ZSWIM7: variants seen among roughly 807,000 people sequenced by gnomAD.
ZSWIM7 encodes zinc finger SWIM-type containing 7, also known as zinc finger SWIM domain-containing protein 7.
In ZSWIM7, 22 loss-of-function variants were observed where a neutral mutation model predicts 21.1. That is an observed-to-expected ratio of 1.04 (90% confidence interval 0.74 to 1.49). ZSWIM7 has a LOEUF of 1.49. ZSWIM7 is among the 40% of genes most tolerant of loss of function. The pLI is 0.00. For synonymous variants in ZSWIM7, 67 were observed against 66.5 expected (o/e 1.01, Z -0.04); for missense variants, 193 against 168.0 (o/e 1.15, Z -0.82).
Position 15,995,783 on chromosome 17 carries a change from T to C in ZSWIM7, c.77-2005A>G, listed in dbSNP as rs1970546249. On this transcript the variant is annotated intron_variant, in intron 1 of 4. Coordinates refer to ENST00000399277, the MANE Select transcript of ZSWIM7 (RefSeq NM_001042697.2). ...AAAACAGATGGAGGGAATTCATCAA[T>C]CAAATAATTCAAAATTCCCCACAGC... Among the ~76,000 whole-genome samples the C allele has an allele frequency of 2.0e-5, 3 of 151,430 alleles. No individual in the cohort carries two copies. The South Asian group carries it at 6.2e-4, about 32-fold the overall frequency.
At chr17:15,985,172 T>C (rs970941735) in intron 3 of ZSWIM7, among the ~76,000 whole-genome samples, 1 of 151,946 alleles carries the variant, frequency 6.6e-6, no homozygotes, top group Non-Finnish European at 1.5e-5. Context: ...GGCGTGGTGG[T>C]ACACACCTGT....
intron 1 of ZSWIM7, 100 bp downstream of exon 1, chr17:15,999,419 G>T: frequency 7.0e-7 from 1 of 1,428,956 alleles, no homozygotes; most frequent in Non-Finnish European, 9.6e-7. Flanking sequence ...AAAAAGGCAG[G>T]GCCAGGCCCG....
At chr17:15,997,472 G>T (rs1970570109) in intron 1 of ZSWIM7, among the ~76,000 whole-genome samples, 1 of 152,172 alleles carries the variant, frequency 6.6e-6, no homozygotes, top group African/African-American at 2.4e-5. Flanking sequence ...AACCAAGATA[G>T]TTGTAACTCC....
chr17:15,978,595 CAAAA>C (rs1176679405), intron 4 of ZSWIM7, among the ~76,000 whole-genome samples: 1 of 152,016 alleles, frequency 6.6e-6, no homozygotes, highest in Non-Finnish European at 1.5e-5. Flanking sequence ...CAGACTGTCT[CAAAA>C]AATAAATAAA....
intron 3 of ZSWIM7, among the ~76,000 whole-genome samples, chr17:15,984,184 A>G (rs944328424): frequency 3.3e-5 from 5 of 152,224 alleles, no homozygotes; most frequent in Non-Finnish European, 7.3e-5. Context: ...GCCTAAAGCA[A>G]TAAACACCAA....
chr17:15,995,482 G>A lies in ZSWIM7; in HGVS notation c.77-1704C>T, dbSNP rs546702676. Reference sequence around the variant, plus strand: ...TCTCCATGTTGATCAGGCTGGTCTCGAACTCCCGACTTCAGATGATCTGCC... The same window carrying A: ...TCTCCATGTTGATCAGGCTGGTCTCAAACTCCCGACTTCAGATGATCTGCC... On this transcript the variant is annotated intron_variant, in intron 1 of 4. Transcript: ENST00000399277. 2.9e-4 allele frequency among the ~76,000 whole-genome samples: 43 copies of A among 149,412 alleles called. 1 individual carries two copies. The East Asian group carries it at 6.3e-3, about 22-fold the overall frequency.
Position 15,977,577 on chromosome 17 carries a change from A to G in ZSWIM7, c.*470T>C, listed in dbSNP as rs1054774968. 12 of 152,358 alleles carry G rather than the reference A, an allele frequency of 7.9e-5. No homozygotes were observed. The highest frequency in any genetic ancestry group is 1.6e-4 in the Non-Finnish European group (11 of 68,340). The allele number at this position is 152,358 out of a possible 1,614,324, so 9.4% of individuals were successfully genotyped here. ...AATTTAGCCGGGCATGGTGGCGGGTACCTGTAGTCCCAGCTACTCGGGAGG... is the reference window on the plus strand; with the variant it reads ...AATTTAGCCGGGCATGGTGGCGGGTGCCTGTAGTCCCAGCTACTCGGGAGG... On this transcript the variant is annotated 3_prime_UTR_variant, in exon 5 of 5. Coordinates refer to ENST00000399277, the MANE Select transcript of ZSWIM7 (RefSeq NM_001042697.2).
At position 15,976,650 on chromosome 17, in the gene ZSWIM7, C is replaced by T. The variant is rs1970281282; in HGVS notation, c.*1397G>A. On this transcript the variant is annotated 3_prime_UTR_variant, in exon 5 of 5. Transcript: ENST00000399277. ...ATCTGCCAACCACAGAACATTGCAA[C>T]ACCTAGGCCCTGGGCTTTCCCCCAG... The T allele has an allele frequency of 6.6e-6, 1 of 152,190 alleles. No homozygotes were observed. Among genetic ancestry groups the T allele is most frequent in the African/African-American group, 2.4e-5 (1 of 41,436 alleles). 9.4% of individuals were successfully genotyped at this position (152,190 alleles called of 1,614,324 possible).
chr17:15,981,763 T>G (rs1233488581), intron 3 of ZSWIM7, among the ~76,000 whole-genome samples: 6 of 152,146 alleles, frequency 3.9e-5, no homozygotes, highest in Admixed American at 2.6e-4. Flanking sequence ...AAAAAAATTT[T>G]TTTAAAGTCA....
intron 3 of ZSWIM7, among the ~76,000 whole-genome samples, chr17:15,984,555 C>CATCTA (rs1055809359): frequency 2.0e-5 from 3 of 152,186 alleles, no homozygotes; most frequent in African/African-American, 7.2e-5. Flanking sequence ...AGAGGTGACC[C>CATCTA]ATCTACATGG....
intron 4 of ZSWIM7, among the ~76,000 whole-genome samples, chr17:15,978,414 A>G (rs2109632): frequency 0.6 from 90,821 of 151,728 alleles, 27,744 homozygotes; most frequent in African/African-American, 0.7. Context: ...TCTGGCTGAT[A>G]TGGCAAAACC....
intron 1 of ZSWIM7, among the ~76,000 whole-genome samples, chr17:15,998,706 T>A (rs1970601910): frequency 6.6e-6 from 1 of 151,776 alleles, no homozygotes; most frequent in African/African-American, 2.4e-5. Context: ...AATACCCAGA[T>A]TTACTCCAAC....
intron 2 of ZSWIM7, among the ~76,000 whole-genome samples, chr17:15,989,562 C>T: frequency 6.6e-6 from 1 of 152,118 alleles, no homozygotes; most frequent in East Asian, 1.9e-4. Context: ...AGGTGATCCC[C>T]CCGCCTTGGC....
intron 2 of ZSWIM7, among the ~76,000 whole-genome samples, chr17:15,991,901 TTTG>T (rs1489047826): frequency 2.0e-5 from 2 of 100,394 alleles, no homozygotes; most frequent in Non-Finnish European, 4.1e-5. Flanking sequence ...TGGGACAGGT[TTTG>T]TTTTTTTTTG....
Position 15,978,134 on chromosome 17 carries a change from A to C in ZSWIM7, c.336T>G (p.Ser112Arg), listed in dbSNP as rs747973640. ...LCKHLLAVYLSQVMRTCQQLS... is the reference protein window; with the variant it reads ...LCKHLLAVYLRQVMRTCQQLS... ...GCTGCTGACAGGTCCTCATAACCTG[A>C]CTCAGGTAAACTGCCAAGAGATGCT... Residue 112 changes from serine (S) to arginine (R), a missense_variant, in exon 5 of 5, where the codon AGT becomes AGG. Ser to Arg is a moderately radical substitution (Grantham distance 110). Transcript: ENST00000399277. The C allele has an allele frequency of 3.1e-6, 5 of 1,614,024 alleles. No homozygotes were observed. The Admixed American group carries it at 5.0e-5, about 16-fold the overall frequency.
intron 4 of ZSWIM7, 45 bp from the exon 5 acceptor site, chr17:15,978,208 G>A: frequency 6.9e-7 from 1 of 1,459,002 alleles, no homozygotes; most frequent in East Asian, 2.3e-5. Context: ...GGCAGGGCCA[G>A]GGCTGGCCAG....
Position 15,999,322 on chromosome 17 carries a change from T to C in ZSWIM7, c.76+197A>G, listed in dbSNP as rs1970628904. ...GTACCGTAAATATTTGCTGAATCGATTTGACTTTTACTTGTTCCAATTTCG... is the reference window on the plus strand; with the variant it reads ...GTACCGTAAATATTTGCTGAATCGACTTGACTTTTACTTGTTCCAATTTCG... On this transcript the variant is annotated intron_variant, in intron 1 of 4. Transcript: ENST00000399277. 1.4e-5 allele frequency: 10 copies of C among 726,590 alleles called. No homozygotes were observed. The South Asian group carries it at 1.7e-4, about 12-fold the overall frequency. The allele number at this position is 726,590 out of a possible 1,614,324, so 45.0% of individuals were successfully genotyped here. A position where few individuals can be genotyped will look rare whatever the true frequency, so the allele number is the denominator to read the frequency against.
At chr17:15,989,214 TATA>T (rs766368113) in intron 2 of ZSWIM7, among the ~76,000 whole-genome samples, 101 of 152,322 alleles carry the variant, frequency 6.6e-4, no homozygotes, top group African/African-American at 2.1e-3. Context: ...AGAAAATTCT[TATA>T]ATATTAGGTG....
At chr17:15,978,947 C>CTT (rs553348841) in intron 4 of ZSWIM7, among the ~76,000 whole-genome samples, 3 of 139,222 alleles carry the variant, frequency 2.2e-5, no homozygotes, top group African/African-American at 7.9e-5. Flanking sequence ...GCTACTCTCT[C>CTT]TTTTTTTTTT....
Sources: allele counts gnomAD v4.1 joint callset (sites outside exome capture counted in the v4.1 genomes callset), GRCh38; gene constraint gnomAD v4.1.1; transcripts MANE v1.5; gene names NCBI Gene and HGNC (gene_info 2026-07-23, HGNC 2026-07-21).